The following ATP8B4 variants were observed in gnomAD, a reference collection of about 807,000 sequenced individuals.
ATP8B4 encodes probable phospholipid-transporting ATPase IM.
In ATP8B4, 133 loss-of-function variants were observed where a neutral mutation model predicts 145.6. The ratio of observed to expected loss-of-function variants is 0.91; its 90% CI spans 0.79 to 1.05. The LOEUF is 1.05. Among genes scored for constraint, ATP8B4 ranks in the 50% least tolerant of loss-of-function variants. ATP8B4 has a pLI of 0.00. For synonymous variants in ATP8B4, 507 were observed against 492.9 expected (o/e 1.03, Z -0.38); for missense variants, 1,458 against 1,425.2 (o/e 1.02, Z -0.37).
intron 1 of ATP8B4, among the ~76,000 whole-genome samples, chr15:50,151,649 C>G (rs570550402): frequency 6.7e-6 from 1 of 148,490 alleles, no homozygotes; most frequent in Non-Finnish European, 1.5e-5. Context: ...TTCTCTAGGG[C>G]TGAGGTGGGA....
chr15:49,988,215 G>A (rs1159078788), intron 9 of ATP8B4, among the ~76,000 whole-genome samples: 2 of 152,002 alleles, frequency 1.3e-5, no homozygotes, highest in Non-Finnish European at 2.9e-5. Context: ...CCAAACCAAG[G>A]GCATGCCCAC....
At chr15:50,030,575 G>A (rs2050357807) in intron 6 of ATP8B4, among the ~76,000 whole-genome samples, 1 of 152,128 alleles carries the variant, frequency 6.6e-6, no homozygotes, top group African/African-American at 2.4e-5. Context: ...ATGTTGAAAT[G>A]GGATTTCATG....
chr15:49,942,946 C>G (rs2042277175), intron 14 of ATP8B4, among the ~76,000 whole-genome samples: 1 of 152,148 alleles, frequency 6.6e-6, no homozygotes, highest in African/African-American at 2.4e-5. Flanking sequence ...TAAAGATGCT[C>G]TACAAGCTCA....
At chr15:49,900,679 A>G (rs1487350766) in intron 21 of ATP8B4, among the ~76,000 whole-genome samples, 2 of 152,208 alleles carry the variant, frequency 1.3e-5, no homozygotes, top group East Asian at 3.8e-4. Context: ...TAGTAATTAC[A>G]TGAAGGTCAG....
intron 5 of ATP8B4, among the ~76,000 whole-genome samples, chr15:50,042,809 T>C (rs2051404685): frequency 6.6e-6 from 1 of 152,168 alleles, no homozygotes; most frequent in Non-Finnish European, 1.5e-5. Flanking sequence ...TGAAAAAGTA[T>C]GTCTGTTAAG....
intron 6 of ATP8B4, among the ~76,000 whole-genome samples, chr15:50,025,664 A>G (rs748237558): frequency 2.0e-5 from 3 of 151,910 alleles, no homozygotes; most frequent in Non-Finnish European, 4.4e-5. Context: ...TTAGAACCAC[A>G]CTCTTTTCCT....
At chr15:50,069,932 G>A (rs545501897) in intron 3 of ATP8B4, among the ~76,000 whole-genome samples, 20 of 152,320 alleles carry the variant, frequency 1.3e-4, no homozygotes, top group African/African-American at 4.6e-4. Context: ...GGTTCAAGCT[G>A]TATGGATATG....
Position 49,934,101 on chromosome 15 carries a change from T to C in ATP8B4, c.1369A>G (p.Ile457Val). ...QFFDHHLMES[I>V]KMGDPKVHEF... Reference sequence around the variant, plus strand: ...TGAACTTTGGGATCACCCATTTTAATGGATTCCATCAGATGGTGGTCAAAG... The same window carrying C: ...TGAACTTTGGGATCACCCATTTTAACGGATTCCATCAGATGGTGGTCAAAG... The change falls in exon 15 of 28, where the codon ATT (isoleucine) becomes GTT (valine). Residue 457 changes from isoleucine to valine, a missense_variant. By Grantham distance (29) the Ile-to-Val change is conservative (BLOSUM62 3). Transcript: ENST00000284509. 1 of 1,612,956 alleles carries C rather than the reference T, an allele frequency of 6.2e-7. No individual in the cohort carries two copies. Among genetic ancestry groups the C allele is most frequent in the Non-Finnish European group, 8.5e-7 (1 of 1,179,302 alleles).
At chr15:50,112,379 C>T (rs1459139813) in intron 1 of ATP8B4, among the ~76,000 whole-genome samples, 2 of 152,030 alleles carry the variant, frequency 1.3e-5, no homozygotes, top group African/African-American at 4.8e-5. Flanking sequence ...GGATCTTCTA[C>T]TTCCTTTGGG....
At chr15:50,178,801 GT>G (rs1174580291) in intron 1 of ATP8B4, among the ~76,000 whole-genome samples, 7 of 152,148 alleles carry the variant, frequency 4.6e-5, no homozygotes, top group African/African-American at 1.4e-4. Flanking sequence ...CCATTTTTAA[GT>G]GTACAGTTCA....
chr15:50,096,666 G>C (rs1169412168), intron 2 of ATP8B4, among the ~76,000 whole-genome samples: 2 of 152,128 alleles, frequency 1.3e-5, no homozygotes, highest in Non-Finnish European at 2.9e-5. Context: ...ATGAACCTAT[G>C]AATGGAAGGT....
At chr15:50,070,306 A>T (rs776874925) in intron 3 of ATP8B4, among the ~76,000 whole-genome samples, 4 of 143,358 alleles carry the variant, frequency 2.8e-5, no homozygotes, top group Non-Finnish European at 4.7e-5. Flanking sequence ...TTTAGGGGTT[A>T]AAAAAAAAAA....
intron 7 of ATP8B4, among the ~76,000 whole-genome samples, chr15:50,006,073 A>G (rs1371890653): frequency 6.6e-6 from 1 of 152,194 alleles, no homozygotes; most frequent in Non-Finnish European, 1.5e-5. Context: ...AATGAAGTTT[A>G]TATGGTAATA....
intron 15 of ATP8B4, among the ~76,000 whole-genome samples, chr15:49,932,801 C>A (rs1369062825): frequency 6.6e-6 from 1 of 152,036 alleles, no homozygotes; most frequent in South Asian, 2.1e-4. Context: ...CCTCTCAAAA[C>A]TGGGTCCCCC....
intron 1 of ATP8B4, among the ~76,000 whole-genome samples, chr15:50,137,223 T>C (rs55970302): frequency 6.6e-6 from 1 of 152,192 alleles, no homozygotes; most frequent in Non-Finnish European, 1.5e-5. Context: ...GGATCTATTA[T>C]GAGCCAGCCA....
chr15:50,060,120 CT>C (rs2052903266), intron 3 of ATP8B4, among the ~76,000 whole-genome samples: 1 of 152,148 alleles, frequency 6.6e-6, no homozygotes, highest in Non-Finnish European at 1.5e-5. Context: ...ACAGCGTCCC[CT>C]GGGTTTCTAG....
At chr15:50,087,348 C>A (rs367919418) in intron 2 of ATP8B4, among the ~76,000 whole-genome samples, 1 of 133,882 alleles carries the variant, frequency 7.5e-6, no homozygotes, top group Non-Finnish European at 1.5e-5. Flanking sequence ...TAATATAGAT[C>A]TATATATTAT....
intron 6 of ATP8B4, among the ~76,000 whole-genome samples, chr15:50,013,866 T>C (rs1190812203): frequency 1.3e-5 from 2 of 152,178 alleles, no homozygotes; most frequent in African/African-American, 4.8e-5. Context: ...TGATGAGGCA[T>C]AGCATACTAA....
At chr15:50,004,574 C>T (rs1046150062) in intron 7 of ATP8B4, among the ~76,000 whole-genome samples, 2 of 152,174 alleles carry the variant, frequency 1.3e-5, no homozygotes, top group Admixed American at 6.5e-5. Flanking sequence ...AATAACGTAG[C>T]TGATATTTAG....
Sources: gnomAD v4.1 joint callset for allele counts (sites outside exome capture counted in the v4.1 genomes callset) on GRCh38, gnomAD v4.1.1 for gene constraint, MANE v1.5 for transcripts, NCBI Gene and HGNC (gene_info 2026-07-23, HGNC 2026-07-21) for gene names.